CAMTA1: variants seen among roughly 807,000 people sequenced by gnomAD.
CAMTA1 encodes calmodulin binding transcription activator 1.
Under a neutral mutation model 170.9 loss-of-function variants are expected in CAMTA1, and 27 were observed. That is an observed-to-expected ratio of 0.16 (90% CI 0.12 to 0.22). The LOEUF is 0.22. CAMTA1 is among the 10% of genes least tolerant of loss of function. The pLI is 1.00. For missense variants in CAMTA1, 1,619 were observed against 2,217.2 expected (o/e 0.73, Z 5.42); for synonymous variants, 833 against 891.5 (o/e 0.93, Z 1.17).
At chr1:7,330,194 C>A (rs1430683506) in intron 5 of CAMTA1, among the ~76,000 whole-genome samples, 1 of 152,160 alleles carries the variant, frequency 6.6e-6, no homozygotes, top group Non-Finnish European at 1.5e-5. Flanking sequence ...AGGCTCTGCA[C>A]GTGAGATCTC....
At chr1:6,817,461 C>T (rs541740533) in intron 1 of CAMTA1, among the ~76,000 whole-genome samples, 2 of 152,248 alleles carry the variant, frequency 1.3e-5, no homozygotes, top group East Asian at 1.9e-4. Flanking sequence ...GACTTTTCCC[C>T]TATTGGAGAT....
chr1:7,223,146 TCCACCCACCCAC>T (rs60971040), intron 4 of CAMTA1, among the ~76,000 whole-genome samples: 25 of 130,960 alleles, frequency 1.9e-4, no homozygotes, highest in East Asian at 1.4e-3. Context: ...TACCTGTTGA[TCCACCCACCCAC>T]CCACCCACCC....
At chr1:7,030,585 C>A (rs575886950) in intron 3 of CAMTA1, among the ~76,000 whole-genome samples, 11 of 152,272 alleles carry the variant, frequency 7.2e-5, no homozygotes, top group African/African-American at 2.6e-4. Flanking sequence ...CTGCCCAATA[C>A]CTGTCTGTTA....
intron 3 of CAMTA1, among the ~76,000 whole-genome samples, chr1:6,901,849 C>G (rs911562360): frequency 1.3e-5 from 2 of 152,018 alleles, no homozygotes; most frequent in Non-Finnish European, 2.9e-5. Flanking sequence ...AGTTCAAGAC[C>G]AGCCTGGCCA....
intron 3 of CAMTA1, chr1:6,888,021 C>T: frequency 8.8e-7 from 1 of 1,135,354 alleles, no homozygotes; most frequent in Non-Finnish European, 1.1e-6. Flanking sequence ...GTCCCCTCAG[C>T]AAGCTGCCTT....
chr1:6,871,747 T>C, intron 3 of CAMTA1: 1 of 1,533,980 alleles, frequency 6.5e-7, no homozygotes, highest in Non-Finnish European at 8.7e-7. Flanking sequence ...GGAGCTCCTT[T>C]GTTTTGCAGA....
chr1:7,717,667 G>A (rs995569144), intron 11 of CAMTA1, among the ~76,000 whole-genome samples: 1 of 152,098 alleles, frequency 6.6e-6, no homozygotes, highest in Admixed American at 6.6e-5. Context: ...GGTAGAGGCT[G>A]TGGTGAGTCA....
rs966542789 is a variant in CAMTA1 at position 7,759,293 on chromosome 1, C to T, written c.4989+3625C>T. Among the ~76,000 whole-genome samples, 37 of 152,180 alleles carry T rather than the reference C, an allele frequency of 2.4e-4. 1 individual carries two copies. Among genetic ancestry groups the T allele is most frequent in the Non-Finnish European group, 5.9e-5 (4 of 68,032 alleles). Reference sequence around the variant, plus strand: ...GAGATCTAAAAAGGCAGAATTAAGACACGACAGACAAATTCCAGCAGCAGA... The same window carrying T: ...GAGATCTAAAAAGGCAGAATTAAGATACGACAGACAAATTCCAGCAGCAGA... On this transcript the variant is annotated intron_variant, in intron 22 of 22. Transcript: ENST00000303635.
At chr1:7,261,125 C>G (rs940133346) in intron 5 of CAMTA1, among the ~76,000 whole-genome samples, 6 of 152,168 alleles carry the variant, frequency 3.9e-5, no homozygotes, top group African/African-American at 1.4e-4. Context: ...CATATCAATA[C>G]TTTCTTCTCG....
intron 6 of CAMTA1, among the ~76,000 whole-genome samples, chr1:7,621,902 C>G (rs571741907): frequency 3.3e-5 from 5 of 152,286 alleles, no homozygotes; most frequent in African/African-American, 1.2e-4. Flanking sequence ...GGCTCCCTGG[C>G]GCCTCTAGAG....
intron 5 of CAMTA1, among the ~76,000 whole-genome samples, chr1:7,253,623 G>C (rs1666943504): frequency 6.6e-6 from 1 of 152,168 alleles, no homozygotes. Flanking sequence ...TCCATGCAAA[G>C]TACATGGTAT....
intron 3 of CAMTA1, among the ~76,000 whole-genome samples, chr1:6,975,069 C>G (rs1014731945): frequency 2.0e-5 from 3 of 152,156 alleles, no homozygotes; most frequent in Admixed American, 6.5e-5. Flanking sequence ...GTGAAGGAGG[C>G]GCCATCTCTG....
At chr1:7,536,645 C>T (rs2094552528) in intron 6 of CAMTA1, among the ~76,000 whole-genome samples, 1 of 152,208 alleles carries the variant, frequency 6.6e-6, no homozygotes, top group African/African-American at 2.4e-5. Context: ...ACACCGGCCC[C>T]TGGGTCCAGC....
At chr1:7,495,438 T>C (rs1390627389) in intron 6 of CAMTA1, among the ~76,000 whole-genome samples, 2 of 152,148 alleles carry the variant, frequency 1.3e-5, no homozygotes, top group East Asian at 3.9e-4. Context: ...TCTAAGATCA[T>C]TTGTCTTTGG....
intron 3 of CAMTA1, among the ~76,000 whole-genome samples, chr1:6,953,977 G>A (rs1356274979): frequency 2.0e-5 from 3 of 152,138 alleles, no homozygotes; most frequent in African/African-American, 7.2e-5. Context: ...ACCTGAGGGC[G>A]GCACTCGAGG....
In CAMTA1 at chr1:7,623,164, G is replaced by A. The variant is rs563802150; in HGVS notation, c.511-17236G>A. Among the ~76,000 whole-genome samples, 15 of 152,198 alleles carry A rather than the reference G, an allele frequency of 9.9e-5. No individual in the cohort carries two copies. In the South Asian group the frequency reaches 1.9e-3, roughly 19 times the overall value. On this transcript the variant is annotated intron_variant, in intron 6 of 22. Transcript: ENST00000303635. ...TTCTTTATTCCAATGTTTATAGCTC[G>A]TCTCTTCCATGCTCTTTGAGGGCAG...
At chr1:6,846,325 C>G (rs891334359) in intron 3 of CAMTA1, among the ~76,000 whole-genome samples, 3 of 152,214 alleles carry the variant, frequency 2.0e-5, no homozygotes, top group African/African-American at 7.2e-5. Context: ...CTCATCATCT[C>G]AAACTATTGG....
In CAMTA1 at chr1:7,635,435, G is replaced by A. The variant is rs1022372574; in HGVS notation, c.511-4965G>A. Among the ~76,000 whole-genome samples, 1 of 151,846 alleles carries A rather than the reference G, an allele frequency of 6.6e-6. No homozygotes were observed. On this transcript the variant is annotated intron_variant, in intron 6 of 22. Transcript: ENST00000303635. This position sits in a 1 kb window ranked among gnomAD's most constrained non-coding sequence, Gnocchi z 4.4. Reference sequence around the variant, plus strand: ...ATCCTGGCTAACACGGTGAAACCCCGTCTCTACTAAAAAATACAAAACAAT... The same window carrying A: ...ATCCTGGCTAACACGGTGAAACCCCATCTCTACTAAAAAATACAAAACAAT...
chr1:7,525,067 C>T (rs1022940984), intron 6 of CAMTA1, among the ~76,000 whole-genome samples: 1 of 152,206 alleles, frequency 6.6e-6, no homozygotes, highest in Non-Finnish European at 1.5e-5. Context: ...CCAAACTCCA[C>T]CCGCCCCCGC....
Sources: gnomAD v4.1 joint callset for allele counts (sites outside exome capture counted in the v4.1 genomes callset) on GRCh38, gnomAD v4.1.1 for gene constraint, Gnocchi (gnomAD v3.1) non-coding constraint, MANE v1.5 for transcripts, NCBI Gene and HGNC (gene_info 2026-07-23, HGNC 2026-07-21) for gene names.